BAG3: variants seen among roughly 807,000 people sequenced by gnomAD.
The protein encoded by BAG3 is BAG cochaperone 3.
A neutral mutation model predicts 40.5 loss-of-function variants in BAG3; 14 were observed. The observed-to-expected ratio is 0.35, with a 90% CI of 0.23 to 0.54. The LOEUF (loss-of-function observed/expected upper bound fraction) is 0.54, where lower values mean the gene tolerates loss of function less well. Among genes scored for constraint, BAG3 ranks in the 20% least tolerant of loss-of-function variants. The pLI, the probability that BAG3 is intolerant of heterozygous loss-of-function variation, is 0.91. For missense variants in BAG3, 788 were observed against 758.6 expected (o/e 1.04, Z -0.46); for synonymous variants, 302 against 307.8 (o/e 0.98, Z 0.20).
chr10:119,655,094 C>T (rs1846894010), intron 1 of BAG3, among the ~76,000 whole-genome samples: 1 of 152,194 alleles, frequency 6.6e-6, no homozygotes, highest in Admixed American at 6.5e-5. Flanking sequence ...GGCCAGTGAT[C>T]CCATTTTGGG....
chr10:119,661,422 A>C (rs1846990667), intron 1 of BAG3, among the ~76,000 whole-genome samples: 2 of 152,168 alleles, frequency 1.3e-5, no homozygotes, highest in African/African-American at 4.8e-5. Context: ...AAACAGTAGC[A>C]AGGAGTCCTG....
At chr10:119,675,915 T>C (rs113882598) in intron 3 of BAG3, among the ~76,000 whole-genome samples, 1,112 of 5,856 alleles carry the variant, frequency 0.19, 176 homozygotes, top group Middle Eastern at 0.38. Flanking sequence ...CTTCCTTCCT[T>C]CCTTCCTCCC....
intron 2 of BAG3, among the ~76,000 whole-genome samples, chr10:119,671,136 C>T (rs1442991447): frequency 6.6e-6 from 1 of 151,988 alleles, no homozygotes; most frequent in African/African-American, 2.4e-5. Flanking sequence ...GGTGAAACCC[C>T]GTCTCTACAA....
intron 1 of BAG3, among the ~76,000 whole-genome samples, chr10:119,657,225 T>G (rs1044757900): frequency 6.6e-6 from 1 of 152,206 alleles, no homozygotes; most frequent in Admixed American, 6.5e-5. Flanking sequence ...CGAGTCACAG[T>G]GTTAAATGCC....
Position 119,669,857 on chromosome 10 carries a change from C to A in BAG3, c.187C>A (p.Pro63Thr). The change falls in exon 2 of 4, where the codon CCA becomes ACA. Residue 63 changes from proline to threonine, a missense_variant. By Grantham distance (38) the Pro-to-Thr change is conservative. Transcript: ENST00000369085. The part of the protein sequence containing the change: ...RVPSEGPKET[P>T]SSANGPSREG... Reference sequence around the variant, plus strand: ...TCTCCACTTTTTATTTCAGGAGACTCCATCCTCTGCCAATGGCCCTTCCCG... The same window carrying A: ...TCTCCACTTTTTATTTCAGGAGACTACATCCTCTGCCAATGGCCCTTCCCG... 6.2e-7 allele frequency: 1 copy of A among 1,614,164 alleles called. No individual in the cohort carries two copies. Among genetic ancestry groups the A allele is most frequent in the Non-Finnish European group, 8.5e-7 (1 of 1,180,016 alleles).
Position 119,672,620 on chromosome 10 carries a change from G to A in BAG3, c.873G>A (p.Ser291=), listed in dbSNP as rs1387744249. 8.7e-6 allele frequency: 14 copies of A among 1,613,844 alleles called. No individual in the cohort carries two copies. The African/African-American group carries it at 1.1e-4, about 12-fold the overall frequency. ...ARSSTPLHSP[S]PIRVHTVVDR... ...GCAGCACGCCACTCCACTCCCCCTCGCCCATCCGTGTGCACACCGTGGTCG... is the reference window on the plus strand; with the variant it reads ...GCAGCACGCCACTCCACTCCCCCTCACCCATCCGTGTGCACACCGTGGTCG... Residue 291 remains serine (S), a synonymous_variant, in exon 3 of 4, where the codon TCG becomes TCA. Coordinates refer to ENST00000369085, the MANE Select transcript of BAG3 (RefSeq NM_004281.4). The surrounding 1 kb of genome is among the most constrained non-coding windows in gnomAD (Gnocchi z 4.8).
At position 119,676,962 on chromosome 10, in the gene BAG3, C is replaced by A. The variant is rs756020699; in HGVS notation, c.1408C>A (p.Pro470Thr). ...GCTGCTGGCCCTGGATTCAGTGGAC[C>A]CCGAGGGACGAGCCGATGTGCGTCA... ...KELLALDSVD[P>T]EGRADVRQAR... Residue 470 changes from proline (P) to threonine (T), a missense_variant, in exon 4 of 4, where the codon CCC becomes ACC. By Grantham distance (38) the Pro-to-Thr change is conservative. Transcript: ENST00000369085. The A allele has an allele frequency of 6.2e-7, 1 of 1,614,068 alleles. No homozygotes were observed. Among genetic ancestry groups the A allele is most frequent in the East Asian group, 2.2e-5 (1 of 44,884 alleles).
At chr10:119,659,013 CT>C (rs1846955968) in intron 1 of BAG3, among the ~76,000 whole-genome samples, 1 of 152,150 alleles carries the variant, frequency 6.6e-6, no homozygotes, top group Non-Finnish European at 1.5e-5. Flanking sequence ...GGTCTTGTTT[CT>C]TAGAAGCAAG....
rs1846836869 is a variant in BAG3 at position 119,651,447 on chromosome 10, AC to A, written c.-227del. The stretch of plus-strand genomic sequence containing the variant: ...AGAAGTTTCTAGCCGGCCAGTTGCT[AC>A]CTCCCTTTATCTCCTCCTTCCCCTC... On this transcript the variant is annotated 5_prime_UTR_variant, in exon 1 of 4. Coordinates refer to ENST00000369085, the MANE Select transcript of BAG3 (RefSeq NM_004281.4). The A allele has an allele frequency of 2.4e-6, 1 of 414,578 alleles. No homozygotes were observed. The highest frequency in any genetic ancestry group is 4.1e-5 in the East Asian group (1 of 24,602). 25.7% of individuals were successfully genotyped at this position (414,578 alleles called of 1,614,324 possible).
chr10:119,671,325 A>T (rs1011499105), intron 2 of BAG3, among the ~76,000 whole-genome samples: 2 of 152,212 alleles, frequency 1.3e-5, no homozygotes, highest in African/African-American at 4.8e-5. Flanking sequence ...AAAATAAGTA[A>T]TGCCTATATT....
At chr10:119,668,198 C>T (rs1847092843) in intron 1 of BAG3, among the ~76,000 whole-genome samples, 1 of 152,248 alleles carries the variant, frequency 6.6e-6, no homozygotes, top group Non-Finnish European at 1.5e-5. Context: ...CCTCCAAGGG[C>T]AGGGTCTCAG....
intron 2 of BAG3, among the ~76,000 whole-genome samples, chr10:119,671,397 T>C (rs1457180035): frequency 6.6e-6 from 1 of 152,228 alleles, no homozygotes; most frequent in Non-Finnish European, 1.5e-5. Context: ...TTCACAAATT[T>C]AGGCTAACAA....
At chr10:119,670,935 C>G (rs894194252) in intron 2 of BAG3, among the ~76,000 whole-genome samples, 1 of 152,164 alleles carries the variant, frequency 6.6e-6, no homozygotes, top group African/African-American at 2.4e-5. Context: ...GCACAAACTC[C>G]CGTGTCCTAT....
At chr10:119,654,592 G>A (rs534969887) in intron 1 of BAG3, among the ~76,000 whole-genome samples, 139 of 152,306 alleles carry the variant, frequency 9.1e-4, no homozygotes, top group African/African-American at 3.0e-3. Flanking sequence ...GACGGCTCCC[G>A]GCAAAGATGC....
At chr10:119,664,034 C>A (rs767958396) in intron 1 of BAG3, among the ~76,000 whole-genome samples, 1 of 152,162 alleles carries the variant, frequency 6.6e-6, no homozygotes, top group East Asian at 1.9e-4. Flanking sequence ...TGAGCCACTT[C>A]CGTAACACAT....
intron 1 of BAG3, among the ~76,000 whole-genome samples, chr10:119,655,550 G>C (rs978244484): frequency 6.6e-6 from 1 of 152,176 alleles, no homozygotes; most frequent in Non-Finnish European, 1.5e-5. Context: ...AGATCGTTTT[G>C]CTCTTTCCAG....
chr10:119,674,195 T>G (rs1396498588), intron 3 of BAG3, among the ~76,000 whole-genome samples: 1 of 152,222 alleles, frequency 6.6e-6, no homozygotes, highest in Non-Finnish European at 1.5e-5. Context: ...AAGTCACTTC[T>G]TACACAGCCA....
At chr10:119,665,638 G>C (rs1021692344) in intron 1 of BAG3, among the ~76,000 whole-genome samples, 1 of 152,154 alleles carries the variant, frequency 6.6e-6, no homozygotes, top group Admixed American at 6.5e-5. Flanking sequence ...CCTAATGATA[G>C]TGGATGGGAA....
chr10:119,659,205 T>C (rs1011740674), intron 1 of BAG3, among the ~76,000 whole-genome samples: 2 of 152,208 alleles, frequency 1.3e-5, no homozygotes, highest in African/African-American at 4.8e-5. Context: ...CCCTGCGCCA[T>C]GCGTCCATAG....
Sources: gnomAD v4.1 joint callset for allele counts (sites outside exome capture counted in the v4.1 genomes callset) on GRCh38, gnomAD v4.1.1 for gene constraint, Gnocchi (gnomAD v3.1) non-coding constraint, MANE v1.5 for transcripts, NCBI Gene and HGNC (gene_info 2026-07-23, HGNC 2026-07-21) for gene names.